The following NOS1AP variants were observed in gnomAD, a reference collection of about 807,000 sequenced individuals.
The protein encoded by NOS1AP is nitric oxide synthase 1 adaptor protein, also known as carboxyl-terminal PDZ ligand of neuronal nitric oxide synthase protein.
A neutral mutation model predicts 56.2 loss-of-function variants in NOS1AP; 21 were observed. That is an observed-to-expected ratio of 0.37 (90% confidence interval 0.26 to 0.54). The LOEUF (loss-of-function observed/expected upper bound fraction) is 0.54, where lower values mean the gene tolerates loss of function less well. NOS1AP is among the 20% of genes least tolerant of loss of function. NOS1AP has a pLI of 0.84. For missense variants in NOS1AP, 522 were observed against 657.8 expected, an observed-to-expected ratio of 0.79 and a Z score of 2.26; for synonymous variants, 270 against 274.6, an observed-to-expected ratio of 0.98 and a Z score of 0.17.
chr1:162,090,448 T>C (rs1692106714), intron 1 of NOS1AP, among the ~76,000 whole-genome samples: 1 of 152,060 alleles, frequency 6.6e-6, no homozygotes, highest in Non-Finnish European at 1.5e-5. Flanking sequence ...GTAAACAATA[T>C]GTTCTTTCAA....
At chr1:162,103,446 G>A (rs1018144740) in intron 1 of NOS1AP, among the ~76,000 whole-genome samples, 7 of 152,130 alleles carry the variant, frequency 4.6e-5, no homozygotes, top group African/African-American at 1.4e-4. Context: ...TATCTATCAC[G>A]TCCACTTGAT....
intron 1 of NOS1AP, among the ~76,000 whole-genome samples, chr1:162,093,670 T>C (rs957871032): frequency 2.1e-4 from 32 of 152,112 alleles, no homozygotes; most frequent in African/African-American, 7.5e-4. Flanking sequence ...TCTTCTTGCC[T>C]CAGCCTCCTG....
At chr1:162,236,075 GGTTA>G (rs1653280749) in intron 2 of NOS1AP, among the ~76,000 whole-genome samples, 1 of 152,130 alleles carries the variant, frequency 6.6e-6, no homozygotes, top group Non-Finnish European at 1.5e-5. Flanking sequence ...GACAAATATA[GGTTA>G]GTTAAATTCT....
intron 3 of NOS1AP, among the ~76,000 whole-genome samples, chr1:162,293,276 T>C (rs1571196782): frequency 6.6e-6 from 1 of 152,234 alleles, no homozygotes; most frequent in African/African-American, 2.4e-5. Flanking sequence ...TAATGCTGCA[T>C]GAATAATGGT....
At chr1:162,206,981 C>T (rs993130963) in intron 2 of NOS1AP, among the ~76,000 whole-genome samples, 1 of 152,204 alleles carries the variant, frequency 6.6e-6, no homozygotes, top group Admixed American at 6.5e-5. Context: ...GCTGCAGATA[C>T]GTGCCTTGTA....
At chr1:162,170,093 A>C (rs575797956) in intron 2 of NOS1AP, among the ~76,000 whole-genome samples, 1 of 152,280 alleles carries the variant, frequency 6.6e-6, no homozygotes, top group African/African-American at 2.4e-5. Context: ...ATTTTAGCTC[A>C]CTTTATGTTA....
chr1:162,329,825 T>G (rs1656708728), intron 4 of NOS1AP, among the ~76,000 whole-genome samples: 1 of 152,230 alleles, frequency 6.6e-6, no homozygotes, highest in Non-Finnish European at 1.5e-5. Flanking sequence ...GTGGAAACTT[T>G]TCTAAGCTTT....
At chr1:162,098,377 G>T (rs1692297755) in intron 1 of NOS1AP, among the ~76,000 whole-genome samples, 1 of 151,960 alleles carries the variant, frequency 6.6e-6, no homozygotes, top group African/African-American at 2.4e-5. Context: ...AAAGTGCTGG[G>T]ATTACAGGTG....
intron 1 of NOS1AP, among the ~76,000 whole-genome samples, chr1:162,084,701 C>T (rs1299414357): frequency 6.6e-6 from 1 of 152,018 alleles, no homozygotes; most frequent in African/African-American, 2.4e-5. Context: ...TTTTTTGAGA[C>T]AGGGTCTCAC....
chr1:162,130,632 A>G (rs138408451), intron 1 of NOS1AP, among the ~76,000 whole-genome samples: 1,539 of 152,246 alleles, frequency 0.01, 25 homozygotes, highest in African/African-American at 0.035. Flanking sequence ...AGGCAAGGAA[A>G]AGGCTTTTCT....
At chr1:162,091,452 T>C (rs1692128811) in intron 1 of NOS1AP, among the ~76,000 whole-genome samples, 1 of 152,322 alleles carries the variant, frequency 6.6e-6, no homozygotes, top group South Asian at 2.1e-4. Flanking sequence ...TTGAGTGTCA[T>C]CCATGAGTTT....
chr1:162,078,609 C>T (rs2102012466), intron 1 of NOS1AP, among the ~76,000 whole-genome samples: 1 of 152,154 alleles, frequency 6.6e-6, no homozygotes, highest in East Asian at 1.9e-4. Context: ...CCCACTTGTT[C>T]TCTGATCCCC....
At chr1:162,257,760 T>G (rs956046597) in intron 2 of NOS1AP, among the ~76,000 whole-genome samples, 2 of 152,134 alleles carry the variant, frequency 1.3e-5, no homozygotes, top group Admixed American at 1.3e-4. Context: ...AAGTGTCCAT[T>G]GGCTACATGT....
chr1:162,337,672 C>G (rs182777316), intron 5 of NOS1AP, among the ~76,000 whole-genome samples: 5 of 152,282 alleles, frequency 3.3e-5, no homozygotes, highest in Admixed American at 3.3e-4. Context: ...CTCTGGGGTA[C>G]TAAGTTTCAT....
chr1:162,362,398 C>G (rs1025167647), intron 8 of NOS1AP, among the ~76,000 whole-genome samples: 11 of 148,594 alleles, frequency 7.4e-5, no homozygotes, highest in African/African-American at 2.7e-4. Context: ...TTGCAGTGAG[C>G]TGAGATCATT....
At chr1:162,172,938 T>TTG (rs1054561839) in intron 2 of NOS1AP, among the ~76,000 whole-genome samples, 1 of 151,054 alleles carries the variant, frequency 6.6e-6, no homozygotes, top group Non-Finnish European at 1.5e-5. Flanking sequence ...GGTTTTTTTT[T>TTG]TGTGATGGGG....
At chr1:162,257,852 C>A (rs937745454) in intron 2 of NOS1AP, among the ~76,000 whole-genome samples, 2 of 152,118 alleles carry the variant, frequency 1.3e-5, no homozygotes, top group East Asian at 3.9e-4. Flanking sequence ...CCTGGCTTAG[C>A]CTTTGTCTCT....
At chr1:162,323,589 T>G (rs1419829754) in intron 4 of NOS1AP, among the ~76,000 whole-genome samples, 2 of 152,240 alleles carry the variant, frequency 1.3e-5, no homozygotes, top group Admixed American at 1.3e-4. Context: ...AAGCAGTACC[T>G]GACAGATGGT....
At position 162,069,706 on chromosome 1, in the gene NOS1AP, C is replaced by T. The variant is rs977683898; in HGVS notation, c.-472C>T. 13 of 152,606 alleles carry T rather than the reference C, an allele frequency of 8.5e-5. No homozygotes were observed. Among genetic ancestry groups the T allele is most frequent in the African/African-American group, 2.4e-4 (10 of 41,404 alleles). The allele number at this position is 152,606 out of a possible 1,614,324, so 9.5% of individuals were successfully genotyped here. A position where few individuals can be genotyped will look rare whatever the true frequency, so the allele number is the denominator to read the frequency against. ...GGCCCGCCCCACAGGAGGAGCCGCTCGCTGGCGGCTGATCCAGCGTCTCCG... is the reference window on the plus strand; with the variant it reads ...GGCCCGCCCCACAGGAGGAGCCGCTTGCTGGCGGCTGATCCAGCGTCTCCG... On this transcript the variant is annotated 5_prime_UTR_variant, in exon 1 of 10. Transcript: ENST00000361897.
Sources: gnomAD v4.1 joint callset for allele counts (sites outside exome capture counted in the v4.1 genomes callset) on GRCh38, gnomAD v4.1.1 for gene constraint, MANE v1.5 for transcripts, NCBI Gene and HGNC (gene_info 2026-07-23, HGNC 2026-07-21) for gene names.